Variants in DOK6 observed in about 807,000 individuals in gnomAD.
DOK6 encodes the protein docking protein 6, also known as downstream of tyrosine kinase 6.
In DOK6, 22 loss-of-function variants were observed where a neutral mutation model predicts 44.0. That is an observed-to-expected ratio of 0.50 (90% CI 0.36 to 0.71). DOK6 has a LOEUF of 0.71. Ranked by LOEUF, DOK6 falls within the 30% of genes least tolerant of loss-of-function variation. The pLI, the probability that DOK6 is intolerant of heterozygous loss-of-function variation, is 0.00. For synonymous variants in DOK6, 166 were observed against 145.5 expected, an observed-to-expected ratio of 1.14 and a Z score of -1.01; for missense variants, 340 against 416.4, an observed-to-expected ratio of 0.82 and a Z score of 1.60.
chr18:69,438,046 T>A (rs1035607248), intron 1 of DOK6, among the ~76,000 whole-genome samples: 18 of 152,188 alleles, frequency 1.2e-4, no homozygotes, highest in African/African-American at 4.3e-4. Flanking sequence ...GGGTCTTGCC[T>A]CAATGTTGAT....
intron 1 of DOK6, among the ~76,000 whole-genome samples, chr18:69,511,028 T>C (rs975497344): frequency 2.0e-5 from 3 of 152,146 alleles, no homozygotes; most frequent in Non-Finnish European, 2.9e-5. Context: ...TGAAACAAAA[T>C]GAAACTTGTT....
chr18:69,546,159 C>G (rs1270875958), intron 1 of DOK6, among the ~76,000 whole-genome samples: 1 of 150,840 alleles, frequency 6.6e-6, no homozygotes, highest in African/African-American at 2.4e-5. Context: ...TGCCTGTAAT[C>G]CCAGCTACTT....
intron 1 of DOK6, among the ~76,000 whole-genome samples, chr18:69,497,725 C>G (rs1980932863): frequency 6.6e-6 from 1 of 152,100 alleles, no homozygotes; most frequent in Non-Finnish European, 1.5e-5. Flanking sequence ...TCTGCAGATT[C>G]TAGGGAAATT....
intron 3 of DOK6, among the ~76,000 whole-genome samples, chr18:69,676,882 T>G (rs1237747681): frequency 6.6e-6 from 1 of 152,110 alleles, no homozygotes; most frequent in African/African-American, 2.4e-5. Context: ...AAACTTTAGA[T>G]ATGACAGGAT....
chr18:69,692,131 G>A (rs1266352654), intron 4 of DOK6, among the ~76,000 whole-genome samples: 5 of 152,186 alleles, frequency 3.3e-5, no homozygotes. Flanking sequence ...GACGGTGATG[G>A]AACAAGCAGG....
chr18:69,618,148 C>T (rs1984356356), intron 3 of DOK6, among the ~76,000 whole-genome samples: 1 of 152,146 alleles, frequency 6.6e-6, no homozygotes, highest in South Asian at 2.1e-4. Context: ...CTCCCTCAGC[C>T]CTCCAGAAGA....
intron 3 of DOK6, among the ~76,000 whole-genome samples, chr18:69,666,471 G>A (rs1289215219): frequency 4.6e-5 from 7 of 151,712 alleles, no homozygotes; most frequent in East Asian, 3.9e-4. Context: ...TGTTAGGCAC[G>A]CACCTGTAAC....
chr18:69,724,450 G>A (rs1308228507), intron 5 of DOK6, among the ~76,000 whole-genome samples: 1 of 152,166 alleles, frequency 6.6e-6, no homozygotes, highest in Non-Finnish European at 1.5e-5. Context: ...TTTGATCCAT[G>A]ATAGGTATTT....
chr18:69,652,152 G>A (rs1297245113), intron 3 of DOK6, among the ~76,000 whole-genome samples: 3 of 152,126 alleles, frequency 2.0e-5, no homozygotes, highest in African/African-American at 7.2e-5. Flanking sequence ...AATTGTGTGA[G>A]TAATTTTGCT....
intron 6 of DOK6, among the ~76,000 whole-genome samples, chr18:69,754,088 A>G (rs1214748231): frequency 1.3e-5 from 2 of 152,168 alleles, no homozygotes; most frequent in Non-Finnish European, 2.9e-5. Context: ...AGGCATTACT[A>G]TAGCATTTTA....
intron 2 of DOK6, among the ~76,000 whole-genome samples, chr18:69,590,307 T>G (rs890805436): frequency 3.9e-5 from 6 of 152,158 alleles, no homozygotes; most frequent in Non-Finnish European, 8.8e-5. Flanking sequence ...TAGATCAAAT[T>G]GCCAAGTTCT....
chr18:69,797,737 A>G (rs1386580413), intron 7 of DOK6, among the ~76,000 whole-genome samples: 1 of 152,044 alleles, frequency 6.6e-6, no homozygotes, highest in African/African-American at 2.4e-5. Context: ...CTTAGGTTGT[A>G]ATATTTTCTT....
rs139489800 is a variant in DOK6 at position 69,733,218 on chromosome 18, A to G, written c.600-5747A>G. 1.1e-4 allele frequency among the ~76,000 whole-genome samples: 16 copies of G among 152,270 alleles called. No homozygotes were observed. In the East Asian group the frequency reaches 2.1e-3, roughly 20 times the overall value. ...AAAAAAAAAAATTCATTTAATTTAC[A>G]TTAAATAAATCTATAACTTTCCTTA... is the stretch of plus-strand genomic sequence containing the variant. On this transcript the variant is annotated intron_variant, in intron 5 of 7. Coordinates refer to ENST00000382713, the MANE Select transcript of DOK6 (RefSeq NM_152721.6).
chr18:69,707,491 T>C (rs1410796763), intron 5 of DOK6, among the ~76,000 whole-genome samples: 3 of 152,230 alleles, frequency 2.0e-5, no homozygotes, highest in Admixed American at 6.5e-5. Context: ...CCAGCCACTA[T>C]TTCAGTGCCC....
At chr18:69,551,051 T>TA (rs1442609071) in intron 1 of DOK6, among the ~76,000 whole-genome samples, 3 of 152,088 alleles carry the variant, frequency 2.0e-5, no homozygotes, top group Non-Finnish European at 4.4e-5. Context: ...TACTGTACTT[T>TA]AAAAAATATA....
intron 7 of DOK6, among the ~76,000 whole-genome samples, chr18:69,800,812 T>A (rs117330263): frequency 1.5e-4 from 23 of 152,298 alleles, no homozygotes; most frequent in Middle Eastern, 3.4e-3. Context: ...TCAAGAAATG[T>A]GTGACTTTAC....
At chr18:69,593,957 A>G (rs1275910014) in intron 2 of DOK6, among the ~76,000 whole-genome samples, 1 of 152,182 alleles carries the variant, frequency 6.6e-6, no homozygotes, top group Admixed American at 6.5e-5. Context: ...GTAGCATTTG[A>G]AAATGGTATA....
chr18:69,603,691 A>G (rs2095405165), intron 3 of DOK6, among the ~76,000 whole-genome samples: 1 of 147,856 alleles, frequency 6.8e-6, no homozygotes, highest in Non-Finnish European at 1.5e-5. Context: ...GAATGGCGTG[A>G]ACCCGGGAGG....
intron 7 of DOK6, among the ~76,000 whole-genome samples, chr18:69,785,390 G>A (rs1266620945): frequency 6.6e-6 from 1 of 152,180 alleles, no homozygotes; most frequent in East Asian, 1.9e-4. Flanking sequence ...CTGTAATTAT[G>A]TCCTCAAACT....
Sources: gnomAD v4.1 joint callset for allele counts (sites outside exome capture counted in the v4.1 genomes callset) on GRCh38, gnomAD v4.1.1 for gene constraint, MANE v1.5 for transcripts, NCBI Gene and HGNC (gene_info 2026-07-23, HGNC 2026-07-21) for gene names.